ANK2: variants seen among roughly 807,000 people sequenced by gnomAD.
ANK2 encodes the protein ankyrin-2.
A neutral mutation model predicts 360.5 loss-of-function variants in ANK2; 83 were observed. The observed-to-expected ratio is 0.23, with a 90% CI of 0.19 to 0.28. The LOEUF is 0.28. ANK2 is among the 10% of genes least tolerant of loss of function. The pLI, the probability that ANK2 is intolerant of heterozygous loss-of-function variation, is 1.00. For missense variants in ANK2, 4,201 were observed against 4,795.7 expected (o/e 0.88, Z 3.66); for synonymous variants, 1,740 against 1,759.5 (o/e 0.99, Z 0.28).
chr4:112,926,166 C>G (rs1426429791), intron 2 of ANK2, among the ~76,000 whole-genome samples: 1 of 152,104 alleles, frequency 6.6e-6, no homozygotes, highest in Admixed American at 6.5e-5. Flanking sequence ...CAAAACAAAA[C>G]AGAACAGAAA....
intron 1 of ANK2, among the ~76,000 whole-genome samples, chr4:113,087,766 A>AGTTATACAT (rs1404238822): frequency 6.6e-6 from 1 of 152,146 alleles, no homozygotes; most frequent in East Asian, 1.9e-4. Flanking sequence ...CAAGTTCTAC[A>AGTTATACAT]GTTATACATA....
chr4:112,959,139 C>T (rs566706919), intron 2 of ANK2, among the ~76,000 whole-genome samples: 9 of 152,080 alleles, frequency 5.9e-5, no homozygotes, highest in Non-Finnish European at 1.3e-4. Flanking sequence ...CGTGAGCCAC[C>T]GCGCCTGGCC....
At chr4:113,295,641 C>T (rs942657420) in intron 22 of ANK2, among the ~76,000 whole-genome samples, 6 of 151,996 alleles carry the variant, frequency 3.9e-5, no homozygotes, top group African/African-American at 1.4e-4. Flanking sequence ...CATCAAAAGT[C>T]GCTATACTTA....
At chr4:113,376,909 A>G (rs1405211775) in intron 45 of ANK2, among the ~76,000 whole-genome samples, 2 of 147,778 alleles carry the variant, frequency 1.4e-5, no homozygotes, top group Non-Finnish European at 3.0e-5. Flanking sequence ...TCCTCCACAT[A>G]TTGTCCCACT....
At position 113,375,693 on chromosome 4, in the gene ANK2, C is replaced by T. The variant is rs544809589; in HGVS notation, c.11859+2244C>T. 6.4e-4 allele frequency among the ~76,000 whole-genome samples: 95 copies of T among 149,596 alleles called. 1 individual carries two copies. Among genetic ancestry groups the T allele is most frequent in the African/African-American group, 2.2e-3 (88 of 40,626 alleles). On this transcript the variant is annotated intron_variant, in intron 45 of 45. Transcript: ENST00000357077. The stretch of plus-strand genomic sequence containing the variant: ...TGAGCCGAGATTGCACCACTGCCCT[C>T]CAGCCTGGGCAACAGAGCGAGAATT...
At chr4:113,290,703 A>G (rs1181604810) in intron 20 of ANK2, among the ~76,000 whole-genome samples, 1 of 152,230 alleles carries the variant, frequency 6.6e-6, no homozygotes, top group East Asian at 1.9e-4. Flanking sequence ...TTTGAAAGCT[A>G]GAAAATAAAA....
the ANK2 span, among the ~76,000 whole-genome samples, chr4:112,776,873 C>T: frequency 6.6e-6 from 1 of 152,148 alleles, no homozygotes; most frequent in Admixed American, 6.6e-5. Context: ...CTGTTTCATC[C>T]CTGAATGGCT....
At chr4:112,751,699 C>T in the ANK2 span, among the ~76,000 whole-genome samples, 1 of 152,050 alleles carries the variant, frequency 6.6e-6, no homozygotes, top group East Asian at 1.9e-4. Context: ...CAGAGATATG[C>T]TAAGGTGTAG....
At chr4:112,926,589 G>T (rs1418986696) in intron 2 of ANK2, among the ~76,000 whole-genome samples, 9 of 152,290 alleles carry the variant, frequency 5.9e-5, no homozygotes, top group African/African-American at 1.2e-4. Context: ...TTCTATAAGG[G>T]TGTGCATATT....
In ANK2 at chr4:112,936,623, C is replaced by T. The variant is rs915374603; in HGVS notation, c.21+32109C>T. Among the ~76,000 whole-genome samples the T allele has an allele frequency of 1.1e-3, 168 of 152,124 alleles. 2 individuals are homozygous for T. Among genetic ancestry groups the T allele is most frequent in the Non-Finnish European group, 1.6e-3 (109 of 68,014 alleles). On this transcript the variant is annotated intron_variant, in intron 2 of 30. Coordinates refer to the ANK2 transcript ENST00000503271. Reference sequence around the variant, plus strand: ...CTTCCCAAAGTGCTGGGATTACAGGCGTGAGCCACCACGCCCGGCCAGCAT... The same window carrying T: ...CTTCCCAAAGTGCTGGGATTACAGGTGTGAGCCACCACGCCCGGCCAGCAT...
chr4:113,289,723 TATAA>T (rs1160751986), intron 20 of ANK2, among the ~76,000 whole-genome samples: 3 of 152,256 alleles, frequency 2.0e-5, no homozygotes, highest in African/African-American at 7.2e-5. Flanking sequence ...ATTTTTAAAC[TATAA>T]ATAATACTAT....
the ANK2 span, among the ~76,000 whole-genome samples, chr4:112,721,441 C>A: frequency 6.9e-6 from 1 of 145,648 alleles, no homozygotes; most frequent in Middle Eastern, 3.6e-3. Flanking sequence ...ACTTGGGAGG[C>A]TAAGGCAGGA....
chr4:113,055,324 G>A (rs1356390957), intron 1 of ANK2, among the ~76,000 whole-genome samples: 8 of 152,056 alleles, frequency 5.3e-5, no homozygotes. Context: ...ACCCCCGAGG[G>A]TGAGGTCATA....
At chr4:113,263,917 A>G (rs941717350) in intron 13 of ANK2, among the ~76,000 whole-genome samples, 1 of 152,216 alleles carries the variant, frequency 6.6e-6, no homozygotes, top group African/African-American at 2.4e-5. Context: ...ATAACCGGCT[A>G]CTTGATGAGA....
the ANK2 span, among the ~76,000 whole-genome samples, chr4:112,756,361 G>A: frequency 1.3e-5 from 2 of 152,084 alleles, no homozygotes; most frequent in African/African-American, 2.4e-5. Context: ...TTGTTGGTTC[G>A]GAAATAATTT....
intron 21 of ANK2, chr4:113,293,182 G>C: frequency 3.3e-6 from 2 of 614,166 alleles, no homozygotes; most frequent in Non-Finnish European, 6.1e-6. Flanking sequence ...GACAACCTTA[G>C]GGTTAAAGCG....
intron 1 of ANK2, among the ~76,000 whole-genome samples, chr4:113,080,649 T>C (rs749406822): frequency 1.3e-5 from 2 of 152,190 alleles, no homozygotes; most frequent in African/African-American, 2.4e-5. Flanking sequence ...TTTGAATATA[T>C]ATTCAAAGAA....
chr4:113,112,696 A>T (rs1287692029), intron 1 of ANK2, among the ~76,000 whole-genome samples: 2 of 152,174 alleles, frequency 1.3e-5, no homozygotes, highest in African/African-American at 4.8e-5. Context: ...GTTACTAGCT[A>T]GAAATTTTCT....
intron 15 of ANK2, among the ~76,000 whole-genome samples, chr4:113,276,006 A>G (rs1445044819): frequency 3.0e-5 from 4 of 134,782 alleles, no homozygotes; most frequent in African/African-American, 1.2e-4. Context: ...CAGTGGTGCG[A>G]TCTTGGCTCA....
Sources: allele counts gnomAD v4.1 joint callset (sites outside exome capture counted in the v4.1 genomes callset), GRCh38; gene constraint gnomAD v4.1.1; transcripts MANE v1.5; gene names NCBI Gene and HGNC (gene_info 2026-07-23, HGNC 2026-07-21).